DLG2: variants seen among roughly 807,000 people sequenced by gnomAD.
DLG2 encodes the protein disks large homolog 2.
Under a neutral mutation model 132.5 loss-of-function variants are expected in DLG2, and 45 were observed. That is an observed-to-expected ratio of 0.34 (90% CI 0.27 to 0.44). The LOEUF is 0.44. Ranked by LOEUF, DLG2 falls within the 20% of genes least tolerant of loss-of-function variation. The probability of loss-of-function intolerance (pLI) is 1.00; values close to 1 mark genes in which losing one functional copy is unlikely to be tolerated. For synonymous variants in DLG2, 424 were observed against 419.6 expected, an observed-to-expected ratio of 1.01 and a Z score of -0.13; for missense variants, 1,045 against 1,196.9, an observed-to-expected ratio of 0.87 and a Z score of 1.87.
At chr11:85,274,927 T>C (rs1003910713) in intron 4 of DLG2, among the ~76,000 whole-genome samples, 21 of 152,180 alleles carry the variant, frequency 1.4e-4, no homozygotes, top group African/African-American at 4.6e-4. Flanking sequence ...GATCATACCC[T>C]TTCTGTCCAG....
intron 7 of DLG2, among the ~76,000 whole-genome samples, chr11:84,380,829 A>G (rs1336964220): frequency 6.6e-6 from 1 of 152,024 alleles, no homozygotes; most frequent in Non-Finnish European, 1.5e-5. Flanking sequence ...ATCTCTCAAG[A>G]AAAAGAAGAG....
intron 18 of DLG2, among the ~76,000 whole-genome samples, chr11:83,652,915 T>C (rs2071053398): frequency 6.6e-6 from 1 of 152,254 alleles, no homozygotes; most frequent in South Asian, 2.1e-4. Context: ...CTAGGTTTTA[T>C]ATATGCTCTC....
At chr11:83,743,216 C>T (rs2153722505) in intron 18 of DLG2, among the ~76,000 whole-genome samples, 1 of 152,226 alleles carries the variant, frequency 6.6e-6, no homozygotes, top group South Asian at 2.1e-4. Context: ...TGGGACTACC[C>T]TCCATAGTCT....
intron 6 of DLG2, among the ~76,000 whole-genome samples, chr11:84,821,573 G>A (rs1217961027): frequency 1.2e-4 from 18 of 149,906 alleles, no homozygotes; most frequent in Non-Finnish European, 2.5e-4. Flanking sequence ...AAAACAGGTG[G>A]TGGGCCAGAT....
chr11:85,545,969 GT>G (rs1193513936), intron 3 of DLG2, among the ~76,000 whole-genome samples: 1 of 151,942 alleles, frequency 6.6e-6, no homozygotes, highest in African/African-American at 2.4e-5. Context: ...TTTATGTAGG[GT>G]TTTTTGTGTC....
At chr11:84,175,194 A>G (rs189024050) in intron 8 of DLG2, among the ~76,000 whole-genome samples, 1 of 152,276 alleles carries the variant, frequency 6.6e-6, no homozygotes, top group East Asian at 1.9e-4. Context: ...CTTTCTGGTC[A>G]TACATAGCAG....
At chr11:84,652,369 G>A (rs1048236525) in intron 6 of DLG2, among the ~76,000 whole-genome samples, 1 of 152,146 alleles carries the variant, frequency 6.6e-6, no homozygotes, top group Non-Finnish European at 1.5e-5. Flanking sequence ...TATTGATTAG[G>A]TGTATGGGCT....
rs1446927220 is a variant in DLG2, at chr11:84,305,809, C to T, written c.520-54518G>A. ...TTGAGTTTGAGATTTGACACAATAT[C>T]AGAATAATATTGAAAAAACAGAAAA... On this transcript the variant is annotated intron_variant, in intron 7 of 27. Coordinates refer to ENST00000376104, the MANE Select transcript of DLG2 (RefSeq NM_001142699.3). Among the ~76,000 whole-genome samples the T allele has an allele frequency of 2.0e-5, 3 of 152,018 alleles. No individual in the cohort carries two copies. The East Asian group carries it at 5.8e-4, about 29-fold the overall frequency.
At chr11:85,310,041 G>C (rs1054967016) in intron 3 of DLG2, among the ~76,000 whole-genome samples, 6 of 152,252 alleles carry the variant, frequency 3.9e-5, no homozygotes, top group Admixed American at 2.6e-4. Flanking sequence ...GGTTTGAAGG[G>C]AACACTGCAT....
chr11:84,970,741 T>C (rs957682636), intron 6 of DLG2, among the ~76,000 whole-genome samples: 10 of 152,218 alleles, frequency 6.6e-5, no homozygotes, highest in African/African-American at 2.2e-4. Context: ...AAACACCTAA[T>C]GGCTTCCACC....
chr11:84,001,206 AC>A (rs1399779600), intron 11 of DLG2, among the ~76,000 whole-genome samples: 1 of 151,932 alleles, frequency 6.6e-6, no homozygotes, highest in African/African-American at 2.4e-5. Context: ...AACATACTTT[AC>A]CTATAAAAAC....
rs541488093 is a variant in DLG2 at position 83,868,646 on chromosome 11, T to A, written c.1565+5774A>T. On this transcript the variant is annotated intron_variant, in intron 16 of 27. Transcript: ENST00000376104. ...GCCCTTTACCCAACTTGCTTCTCTG[T>A]TTTGATAGAGTCACTTAAATATCTG... 5.9e-5 allele frequency among the ~76,000 whole-genome samples: 9 copies of A among 152,268 alleles called. No homozygotes were observed. The South Asian group carries it at 8.3e-4, about 14-fold the overall frequency.
intron 3 of DLG2, among the ~76,000 whole-genome samples, chr11:85,421,136 A>C (rs1320836339): frequency 5.3e-5 from 8 of 152,136 alleles, no homozygotes; most frequent in Non-Finnish European, 1.0e-4. Context: ...GGTTGTGAAG[A>C]CCACGGGAAA....
chr11:84,252,832 A>G (rs2097406183), intron 7 of DLG2, among the ~76,000 whole-genome samples: 2 of 152,206 alleles, frequency 1.3e-5, no homozygotes, highest in South Asian at 4.1e-4. Context: ...TGATTAATAG[A>G]GAACTCTTCT....
chr11:84,266,498 G>C (rs527323192), intron 7 of DLG2, among the ~76,000 whole-genome samples: 1 of 152,160 alleles, frequency 6.6e-6, no homozygotes, highest in African/African-American at 2.4e-5. Context: ...GAAGGAAATG[G>C]ACTAAAAATT....
intron 4 of DLG2, among the ~76,000 whole-genome samples, chr11:85,220,404 G>T (rs1409306752): frequency 6.6e-6 from 1 of 152,020 alleles, no homozygotes; most frequent in East Asian, 1.9e-4. Flanking sequence ...TAGAGTAAGA[G>T]TGTGCCTGGG....
chr11:83,838,899 G>C (rs548218290), intron 16 of DLG2, among the ~76,000 whole-genome samples: 2 of 152,252 alleles, frequency 1.3e-5, no homozygotes, highest in East Asian at 3.9e-4. Context: ...TTTATGGAGG[G>C]AATCATATTT....
intron 6 of DLG2, among the ~76,000 whole-genome samples, chr11:84,928,898 A>G (rs1179859460): frequency 6.7e-6 from 1 of 148,654 alleles, no homozygotes; most frequent in Non-Finnish European, 1.5e-5. Flanking sequence ...TCTTATCTTA[A>G]AAATTGATAT....
intron 6 of DLG2, among the ~76,000 whole-genome samples, chr11:84,685,164 A>G (rs190118040): frequency 2.6e-5 from 4 of 152,316 alleles, no homozygotes; most frequent in African/African-American, 9.6e-5. Context: ...AGCCAGGGCT[A>G]TAATTCCAGT....
Sources: allele counts gnomAD v4.1 joint callset (sites outside exome capture counted in the v4.1 genomes callset), GRCh38; gene constraint gnomAD v4.1.1; transcripts MANE v1.5; gene names NCBI Gene and HGNC (gene_info 2026-07-23, HGNC 2026-07-21).